Variants in COL5A2 observed in about 807,000 individuals in gnomAD.
The protein encoded by COL5A2 is collagen type V alpha 2 chain.
COL5A2 carries 23 observed loss-of-function variants against 208.2 expected under a neutral mutation model. The ratio of observed to expected loss-of-function variants is 0.11; its 90% CI spans 0.08 to 0.16. The LOEUF (loss-of-function observed/expected upper bound fraction) is 0.16, where lower values mean the gene tolerates loss of function less well. COL5A2 is among the 10% of genes least tolerant of loss of function. The probability of loss-of-function intolerance (pLI) is 1.00; values close to 1 mark genes in which losing one functional copy is unlikely to be tolerated. For missense variants in COL5A2, 1,590 were observed against 1,956.4 expected (o/e 0.81, Z 3.53); for synonymous variants, 625 against 628.5 (o/e 0.99, Z 0.08).
chr2:189,161,489 C>A (rs1688362813), intron 1 of COL5A2, among the ~76,000 whole-genome samples: 1 of 152,008 alleles, frequency 6.6e-6, no homozygotes, highest in East Asian at 1.9e-4. Context: ...AGGCTTTGGA[C>A]CAAAGATGCT....
At chr2:189,238,006 T>C in the COL5A2 span, among the ~76,000 whole-genome samples, 4 of 151,888 alleles carry the variant, frequency 2.6e-5, no homozygotes, top group Admixed American at 6.6e-5. Flanking sequence ...TCCATCATAA[T>C]TGAAATTGTC....
chr2:189,152,670 C>T (rs555890358), intron 1 of COL5A2, among the ~76,000 whole-genome samples: 199 of 152,210 alleles, frequency 1.3e-3, no homozygotes, highest in African/African-American at 4.7e-3. Flanking sequence ...CAGAGGCTGG[C>T]TTTTTGGAAG....
chr2:189,404,394 C>T, the COL5A2 span, among the ~76,000 whole-genome samples: 1,062 of 152,256 alleles, frequency 7.0e-3, 11 homozygotes, highest in South Asian at 9.5e-3. Flanking sequence ...GATACATTAG[C>T]GCTCCTGTGT....
At chr2:189,336,531 A>T in the COL5A2 span, among the ~76,000 whole-genome samples, 1 of 152,246 alleles carries the variant, frequency 6.6e-6, no homozygotes, top group East Asian at 1.9e-4. Flanking sequence ...AAATTGCTCA[A>T]TTACAATTTA....
chr2:189,127,657 G>T (rs1242378636), intron 1 of COL5A2, among the ~76,000 whole-genome samples: 1 of 152,002 alleles, frequency 6.6e-6, no homozygotes, highest in Non-Finnish European at 1.5e-5. Context: ...GAATCAAATA[G>T]ATGTGAGAGT....
chr2:189,138,380 A>C (rs1401366291), intron 1 of COL5A2, among the ~76,000 whole-genome samples: 2 of 152,152 alleles, frequency 1.3e-5, no homozygotes, highest in African/African-American at 4.8e-5. Flanking sequence ...TATAGGAAAA[A>C]TCTGAGAAGA....
At chr2:189,124,391 G>A (rs1418256897) in intron 1 of COL5A2, among the ~76,000 whole-genome samples, 1 of 152,082 alleles carries the variant, frequency 6.6e-6, no homozygotes, top group Admixed American at 6.6e-5. Context: ...TTAATGAGTA[G>A]GGATAGTAAA....
In COL5A2 at chr2:189,033,825, T is replaced by A. The variant is rs1208188001; in HGVS notation, c.*245A>T. The A allele has an allele frequency of 3.7e-6, 2 of 540,134 alleles. No individual in the cohort carries two copies. The highest frequency in any genetic ancestry group is 6.6e-6 in the Non-Finnish European group (2 of 302,694). The allele number at this position is 540,134 out of a possible 1,614,324, so 33.5% of individuals were successfully genotyped here. ...TTTCTGCAAAGGTGGTCATTGTCAT[T>A]GGTCATCTTAAACCTAAACTGTTGT... On this transcript the variant is annotated 3_prime_UTR_variant, in exon 54 of 54. Transcript: ENST00000374866.
chr2:189,350,706 T>C, the COL5A2 span, among the ~76,000 whole-genome samples: 2 of 152,194 alleles, frequency 1.3e-5, no homozygotes, highest in African/African-American at 2.4e-5. Context: ...GTAATTGTTC[T>C]GGGCATCAAG....
At chr2:189,218,827 A>C (rs2105876299) in intron 1 of COL5A2, among the ~76,000 whole-genome samples, 1 of 152,282 alleles carries the variant, frequency 6.6e-6, no homozygotes, top group African/African-American at 2.4e-5. Context: ...ATTTCAGTGC[A>C]CACAATGATA....
intron 1 of COL5A2, among the ~76,000 whole-genome samples, chr2:189,210,247 A>G (rs1486006315): frequency 6.6e-6 from 1 of 152,170 alleles, no homozygotes; most frequent in Non-Finnish European, 1.5e-5. Context: ...GGAAATAAAG[A>G]GAGTTTAAAA....
the COL5A2 span, among the ~76,000 whole-genome samples, chr2:189,341,643 G>A: frequency 9.9e-5 from 15 of 152,240 alleles, 1 homozygote; most frequent in East Asian, 2.9e-3. Context: ...TTCTAGTGCA[G>A]CACTAACAAG....
chr2:189,288,128 T>C, the COL5A2 span, among the ~76,000 whole-genome samples: 1 of 152,048 alleles, frequency 6.6e-6, no homozygotes, highest in Non-Finnish European at 1.5e-5. Context: ...AGTAAGTATC[T>C]GAATACATGA....
intron 49 of COL5A2, among the ~76,000 whole-genome samples, chr2:189,041,974 A>C: frequency 6.6e-6 from 1 of 152,204 alleles, no homozygotes; most frequent in Middle Eastern, 3.2e-3. Context: ...TAAACCTCAC[A>C]TATTGTAAAC....
chr2:189,046,860 T>C (rs1476653934), intron 45 of COL5A2, among the ~76,000 whole-genome samples: 1 of 150,708 alleles, frequency 6.6e-6, no homozygotes, highest in Non-Finnish European at 1.5e-5. Flanking sequence ...GCTCACAAAG[T>C]GGGCTGTAAT....
In COL5A2 at chr2:189,075,448, GAA is replaced by G; in HGVS notation, c.1060-13_1060-12del. On this transcript the variant is annotated splice_polypyrimidine_tract_variant and intron_variant, in intron 16 of 53. Coordinates refer to ENST00000374866, the MANE Select transcript of COL5A2 (RefSeq NM_000393.5). ...TGCACCTCGTTGTCCCTAATTAAGA[GAA>G]AAAGAGACAAGACAGGATAAGATTA... 1 of 1,602,128 alleles carries G rather than the reference GAA, an allele frequency of 6.2e-7. No individual in the cohort carries two copies. Among genetic ancestry groups the G allele is most frequent in the Non-Finnish European group, 8.5e-7 (1 of 1,169,742 alleles).
intron 13 of COL5A2, among the ~76,000 whole-genome samples, chr2:189,080,620 G>A (rs1052393160): frequency 3.9e-5 from 6 of 151,932 alleles, no homozygotes; most frequent in Non-Finnish European, 8.8e-5. Context: ...TCCCTTCTGT[G>A]ACCTAGTACT....
At chr2:189,396,323 G>A in the COL5A2 span, among the ~76,000 whole-genome samples, 4 of 152,140 alleles carry the variant, frequency 2.6e-5, no homozygotes, top group Non-Finnish European at 5.9e-5. Context: ...AAAGAAATAG[G>A]CTTTAAAATG....
the COL5A2 span, among the ~76,000 whole-genome samples, chr2:189,412,243 G>A: frequency 1.3e-5 from 2 of 152,036 alleles, no homozygotes; most frequent in South Asian, 2.1e-4. Context: ...TCATCCTAAC[G>A]TTCGTGAAAT....
Sources: allele counts gnomAD v4.1 joint callset (sites outside exome capture counted in the v4.1 genomes callset), GRCh38; gene constraint gnomAD v4.1.1; transcripts MANE v1.5; gene names NCBI Gene and HGNC (gene_info 2026-07-23, HGNC 2026-07-21).